LDLRAD4: variants seen among roughly 807,000 people sequenced by gnomAD.
LDLRAD4 encodes the protein low-density lipoprotein receptor class A domain-containing protein 4.
In LDLRAD4, 5 loss-of-function variants were observed where a neutral mutation model predicts 17.0. The observed-to-expected ratio is 0.29, with a 90% CI of 0.15 to 0.62. The LOEUF (loss-of-function observed/expected upper bound fraction) is 0.62, where lower values mean the gene tolerates loss of function less well. Ranked by LOEUF, LDLRAD4 falls within the 20% of genes least tolerant of loss-of-function variation. The probability of loss-of-function intolerance (pLI) is 0.84; values close to 1 mark genes in which losing one functional copy is unlikely to be tolerated. For missense variants in LDLRAD4, 340 were observed against 424.7 expected, an observed-to-expected ratio of 0.80 and a Z score of 1.75; for synonymous variants, 168 against 171.8, an observed-to-expected ratio of 0.98 and a Z score of 0.17.
At chr18:13,386,907 G>GATA in intron 1 of LDLRAD4, among the ~76,000 whole-genome samples, 1 of 45,340 alleles carries the variant, frequency 2.2e-5, no homozygotes, top group East Asian at 2.7e-4. Context: ...TAGATAGATA[G>GATA]ATAGATAGAT....
Position 13,255,813 on chromosome 18 carries a change from A to T in LDLRAD4, c.-466-22292A>T, listed in dbSNP as rs561096796. Among the ~76,000 whole-genome samples, 6 of 152,090 alleles carry T rather than the reference A, an allele frequency of 3.9e-5. No homozygotes were observed. In the South Asian group the frequency reaches 1.2e-3, roughly 32 times the overall value. ...TGAGGTGGAGAGCTGGCCGAGGGAG[A>T]TGTGGTGCGTCTGAATTTCTGCTGA... On this transcript the variant is annotated intron_variant, in intron 1 of 5. Transcript: ENST00000399848.
At chr18:13,497,107 C>G (rs1281894946) in intron 3 of LDLRAD4, among the ~76,000 whole-genome samples, 1 of 152,214 alleles carries the variant, frequency 6.6e-6, no homozygotes, top group African/African-American at 2.4e-5. Context: ...TGAGCATTCT[C>G]TAGTCTAAAT....
chr18:13,626,846 T>C (rs970333815), intron 4 of LDLRAD4, among the ~76,000 whole-genome samples: 4 of 152,216 alleles, frequency 2.6e-5, no homozygotes, highest in Non-Finnish European at 5.9e-5. Flanking sequence ...GCTCCTCAGA[T>C]CCACAGTGCC....
At chr18:13,482,819 G>A (rs2093126542) in intron 3 of LDLRAD4, among the ~76,000 whole-genome samples, 1 of 152,218 alleles carries the variant, frequency 6.6e-6, no homozygotes, top group Non-Finnish European at 1.5e-5. Flanking sequence ...AGTCTCTCAG[G>A]TAACAGCCCT....
intron 3 of LDLRAD4, among the ~76,000 whole-genome samples, chr18:13,546,853 C>T (rs1044503883): frequency 6.6e-6 from 1 of 152,226 alleles, no homozygotes; most frequent in African/African-American, 2.4e-5. Flanking sequence ...AAGGCAGTGT[C>T]TCTGTTAGGT....
chr18:13,588,933 C>CTT (rs151102496), intron 3 of LDLRAD4, among the ~76,000 whole-genome samples: 19 of 137,980 alleles, frequency 1.4e-4, no homozygotes, highest in African/African-American at 2.4e-4. Context: ...TTCTTTTTTT[C>CTT]TTTTTTTTTT....
intron 4 of LDLRAD4, among the ~76,000 whole-genome samples, chr18:13,629,653 A>T: frequency 6.6e-6 from 1 of 152,336 alleles, no homozygotes; most frequent in South Asian, 2.1e-4. Context: ...AAATGTATGA[A>T]CATTTTTATC....
At chr18:13,496,814 A>G (rs892418425) in intron 3 of LDLRAD4, among the ~76,000 whole-genome samples, 5 of 152,242 alleles carry the variant, frequency 3.3e-5, no homozygotes, top group African/African-American at 1.2e-4. Flanking sequence ...AAAACCACAT[A>G]GTATAAAATG....
intron 3 of LDLRAD4, among the ~76,000 whole-genome samples, chr18:13,607,787 A>G (rs1017841234): frequency 6.6e-6 from 1 of 152,132 alleles, no homozygotes; most frequent in Non-Finnish European, 1.5e-5. Context: ...ATTCTTTTTT[A>G]TGGCTGCATA....
chr18:13,614,792 C>G (rs577604025), intron 3 of LDLRAD4: 2 of 152,290 alleles, frequency 1.3e-5, no homozygotes, highest in East Asian at 3.9e-4. Context: ...AATTTACCAG[C>G]CTTTAGGAAC....
chr18:13,302,920 C>T (rs1477290337), intron 1 of LDLRAD4, among the ~76,000 whole-genome samples: 1 of 152,218 alleles, frequency 6.6e-6, no homozygotes, highest in African/African-American at 2.4e-5. Context: ...CTGTTATATG[C>T]AGATTTGGAG....
At position 13,398,325 on chromosome 18, in the gene LDLRAD4, G is replaced by T. The variant is rs552027762; in HGVS notation, c.40+10563G>T. 6.6e-6 allele frequency among the ~76,000 whole-genome samples: 1 copy of T among 152,204 alleles called. No individual in the cohort carries two copies. The highest frequency in any genetic ancestry group is 2.4e-5 in the African/African-American group (1 of 41,450). The stretch of plus-strand genomic sequence containing the variant: ...CATTCTGCTTTTGGAATGCTTAGGC[G>T]TGAAAGCAGCACAGCGTCACGGTGG... On this transcript the variant is annotated intron_variant, in intron 2 of 5. Transcript: ENST00000359446. This position sits in a 1 kb window ranked among gnomAD's most constrained non-coding sequence, Gnocchi z 4.8.
intron 2 of LDLRAD4, among the ~76,000 whole-genome samples, chr18:13,400,902 A>G (rs1473405208): frequency 6.6e-6 from 1 of 152,212 alleles, no homozygotes; most frequent in African/African-American, 2.4e-5. Flanking sequence ...AGGGCTGAGT[A>G]AGGTGGAGGC....
intron 3 of LDLRAD4, among the ~76,000 whole-genome samples, chr18:13,457,770 C>CT (rs1382586054): frequency 1.8e-4 from 27 of 152,272 alleles, no homozygotes; most frequent in African/African-American, 6.0e-4. Context: ...GTGAAGGCGG[C>CT]TCCCCCTGCC....
intron 1 of LDLRAD4, among the ~76,000 whole-genome samples, chr18:13,309,005 T>G (rs1282543248): frequency 6.6e-6 from 1 of 152,228 alleles, no homozygotes; most frequent in Non-Finnish European, 1.5e-5. Context: ...TGGTCCTGTC[T>G]TCTTGACTTT....
At chr18:13,630,045 C>A (rs1204463635) in intron 4 of LDLRAD4, among the ~76,000 whole-genome samples, 4 of 152,062 alleles carry the variant, frequency 2.6e-5, no homozygotes, top group African/African-American at 9.7e-5. Context: ...TTCTCATTCC[C>A]AGGCTGATTC....
chr18:13,404,729 C>T (rs893009226), intron 2 of LDLRAD4, among the ~76,000 whole-genome samples: 2 of 151,130 alleles, frequency 1.3e-5, no homozygotes, highest in Admixed American at 1.3e-4. Context: ...ACCCGGGAGG[C>T]GGAGCTTGCA....
At chr18:13,640,228 G>A (rs984568572) in intron 4 of LDLRAD4, among the ~76,000 whole-genome samples, 1 of 147,486 alleles carries the variant, frequency 6.8e-6, no homozygotes, top group African/African-American at 2.5e-5. Context: ...GGGAGGCGGA[G>A]CTTGCAGTGA....
exon 6 of LDLRAD4, chr18:13,649,131 AT>A (rs1223076859): frequency 5.9e-5 from 9 of 152,144 alleles, no homozygotes; most frequent in African/African-American, 2.2e-4. Context: ...CCATTCACTA[AT>A]TTTGGCTCAA....
Sources: gnomAD v4.1 joint callset for allele counts (sites outside exome capture counted in the v4.1 genomes callset) on GRCh38, gnomAD v4.1.1 for gene constraint, Gnocchi (gnomAD v3.1) non-coding constraint, MANE v1.5 for transcripts, NCBI Gene and HGNC (gene_info 2026-07-23, HGNC 2026-07-21) for gene names.